Variants in ANKAR observed in about 807,000 individuals in gnomAD.
The protein encoded by ANKAR is ankyrin and armadillo repeat-containing protein.
In ANKAR, 136 loss-of-function variants were observed where a neutral mutation model predicts 146.2. The observed-to-expected ratio is 0.93, with a 90% CI of 0.81 to 1.07. The LOEUF (loss-of-function observed/expected upper bound fraction) is 1.07, where lower values mean the gene tolerates loss of function less well. ANKAR is among the 50% of genes least tolerant of loss of function. The probability of loss-of-function intolerance (pLI) is 0.00; values close to 1 mark genes in which losing one functional copy is unlikely to be tolerated. For missense variants in ANKAR, 1,567 were observed against 1,679.9 expected (o/e 0.93, Z 1.18); for synonymous variants, 500 against 575.8 (o/e 0.87, Z 1.88).
intron 7 of ANKAR, among the ~76,000 whole-genome samples, chr2:189,698,625 G>A (rs896157119): frequency 6.6e-6 from 1 of 152,148 alleles, no homozygotes; most frequent in Non-Finnish European, 1.5e-5. Flanking sequence ...AAGAAATTAC[G>A]TACAACGAAC....
chr2:189,721,853 A>G (rs2245742), intron 12 of ANKAR, among the ~76,000 whole-genome samples: 149,425 of 152,266 alleles, frequency 0.98, 73,379 homozygotes, highest in South Asian at 1. Flanking sequence ...AATGTAAGTC[A>G]AGATTAAGAA....
rs56118672 is a variant in ANKAR, at chr2:189,704,147, A to ATT, written c.1709-865_1709-864dup. On this transcript the variant is annotated intron_variant, in intron 7 of 22. Coordinates refer to ENST00000684021, the MANE Select transcript of ANKAR (RefSeq NM_001378068.1). ...TACCCAGTAACTCTCATTATTGGGA[A>ATT]TTTTTTTTTTTTGAGATGGAGTCTC... Among the ~76,000 whole-genome samples the ATT allele has an allele frequency of 4.7e-3, 698 of 147,456 alleles. 4 individuals are homozygous for ATT. Among genetic ancestry groups the ATT allele is most frequent in the African/African-American group, 6.7e-3 (269 of 40,312 alleles).
intron 18 of ANKAR, among the ~76,000 whole-genome samples, chr2:189,760,017 T>A (rs2046757251): frequency 6.6e-6 from 1 of 152,214 alleles, no homozygotes; most frequent in Admixed American, 6.5e-5. Flanking sequence ...TGCACCGCCC[T>A]TAATCCATTT....
At chr2:189,720,076 A>G (rs1387357373) in intron 11 of ANKAR, among the ~76,000 whole-genome samples, 1 of 152,214 alleles carries the variant, frequency 6.6e-6, no homozygotes, top group Non-Finnish European at 1.5e-5. Context: ...TGCAGTGTCT[A>G]CAATGGCAAA....
In ANKAR at chr2:189,743,278, C is replaced by T. The variant is rs145081425; in HGVS notation, c.3814C>T (p.Arg1272Cys). The T allele has an allele frequency of 5.8e-5, 93 of 1,612,518 alleles. 2 individuals carry two copies. The South Asian group carries it at 8.8e-4, about 15-fold the overall frequency. The part of the protein sequence containing the change: ...YHLYSGIEEV[R>C]AACSSALGYL... Reference sequence around the variant, plus strand: ...AAAGAATTGTTTCTTCATTTAGGTTCGTGCAGCTTGTTCCTCTGCTCTTGG... The same window carrying T: ...AAAGAATTGTTTCTTCATTTAGGTTTGTGCAGCTTGTTCCTCTGCTCTTGG... The change falls in exon 21 of 23, where the codon CGT becomes TGT. Residue 1272 changes from arginine to cysteine, a missense_variant. Transcript: ENST00000684021.
rs2105780679 is a variant in ANKAR, at chr2:189,719,597, A to G, written c.2250A>G (p.Leu750=). ...GCACCATTCCTGCCTTAATCAATCT[A>G]TTAAAAAGTTCCAAAATAAAACTGC... ...DAGTIPALIN[L]LKSSKIKLQC... Residue 750 remains leucine (L), a synonymous_variant, in exon 11 of 23, where the codon CTA becomes CTG. Coordinates refer to ENST00000684021, the MANE Select transcript of ANKAR (RefSeq NM_001378068.1). 1 of 1,612,682 alleles carries G rather than the reference A, an allele frequency of 6.2e-7. No homozygotes were observed. Among genetic ancestry groups the G allele is most frequent in the Non-Finnish European group, 8.5e-7 (1 of 1,178,992 alleles).
intron 10 of ANKAR, among the ~76,000 whole-genome samples, chr2:189,713,225 C>G (rs569159485): frequency 6.6e-6 from 1 of 152,254 alleles, no homozygotes; most frequent in East Asian, 1.9e-4. Flanking sequence ...ACTTCCCCAA[C>G]CTAGCAAGGA....
intron 2 of ANKAR, among the ~76,000 whole-genome samples, chr2:189,686,892 G>A (rs1574379134): frequency 6.6e-6 from 1 of 151,760 alleles, no homozygotes; most frequent in African/African-American, 2.4e-5. Context: ...ATTTTCACAC[G>A]GCATACAATG....
At position 189,730,515 on chromosome 2, in the gene ANKAR, C is replaced by G. The variant is rs2042311060; in HGVS notation, c.3214C>G (p.Pro1072Ala). Residue 1072 changes from proline to alanine, a missense_variant, in exon 16 of 23, where the codon CCT becomes GCT. Transcript: ENST00000684021. ...TACAGGTGTAGCCCATACAAGCAAT[C>G]CTGTCAGTCAACAATTGGTTGTAGA... ...ICIGVAHTSN[P>A]VSQQLVVDEN... The G allele has an allele frequency of 6.2e-7, 1 of 1,602,194 alleles. No homozygotes were observed. Among genetic ancestry groups the G allele is most frequent in the African/African-American group, 1.3e-5 (1 of 74,344 alleles).
At chr2:189,713,552 C>G (rs1373133561) in intron 10 of ANKAR, among the ~76,000 whole-genome samples, 1 of 152,126 alleles carries the variant, frequency 6.6e-6, no homozygotes, top group Non-Finnish European at 1.5e-5. Flanking sequence ...CCTTTACAGA[C>G]AAGCAAATCC....
intron 11 of ANKAR, 82 bp downstream of exon 11, chr2:189,719,895 C>A: frequency 7.3e-7 from 1 of 1,360,742 alleles, no homozygotes; most frequent in Non-Finnish European, 9.8e-7. Flanking sequence ...ACCCACGTTA[C>A]TATTCAGTGA....
At chr2:189,688,992 G>T (rs1241141872) in intron 2 of ANKAR, among the ~76,000 whole-genome samples, 1 of 152,140 alleles carries the variant, frequency 6.6e-6, no homozygotes, top group Non-Finnish European at 1.5e-5. Flanking sequence ...GTTGGTGAAC[G>T]GGCCGTAATT....
At chr2:189,752,707 A>T (rs952642821) in intron 18 of ANKAR, 5 of 1,613,928 alleles carry the variant, frequency 3.1e-6, no homozygotes, top group Non-Finnish European at 4.2e-6. Context: ...GCCAGCACGT[A>T]GTCTTTCAAT....
At chr2:189,736,475 C>T (rs1274984507) in intron 17 of ANKAR, among the ~76,000 whole-genome samples, 8 of 109,694 alleles carry the variant, frequency 7.3e-5, no homozygotes, top group South Asian at 3.2e-4. Context: ...TAATACCTTT[C>T]TTTTTGCCTA....
At chr2:189,724,342 C>T (rs2041634984) in intron 12 of ANKAR, among the ~76,000 whole-genome samples, 1 of 152,164 alleles carries the variant, frequency 6.6e-6, no homozygotes, top group African/African-American at 2.4e-5. Flanking sequence ...CTCTCTATCA[C>T]CTAGGATATG....
intron 6 of ANKAR, 49 bp downstream of exon 6, chr2:189,695,210 T>G (rs1424074685): frequency 7.0e-7 from 1 of 1,426,500 alleles, no homozygotes; most frequent in Admixed American, 2.1e-5. Flanking sequence ...TATGTATTAT[T>G]GATAAGTATG....
At chr2:189,688,867 C>G (rs552279371) in intron 2 of ANKAR, among the ~76,000 whole-genome samples, 30 of 152,266 alleles carry the variant, frequency 2.0e-4, no homozygotes, top group Admixed American at 5.2e-4. Context: ...GTAAACAGGC[C>G]AGAACCACAT....
intron 19 of ANKAR, among the ~76,000 whole-genome samples, chr2:189,739,100 C>T (rs138849858): frequency 1.8e-3 from 272 of 152,334 alleles, no homozygotes; most frequent in Non-Finnish European, 2.7e-3. Flanking sequence ...AAGTTCTTTA[C>T]ATCGCTGTGC....
chr2:189,712,316 G>C lies in ANKAR; in HGVS notation c.2224+1163G>C, dbSNP rs192115749. On this transcript the variant is annotated intron_variant, in intron 10 of 22. Coordinates refer to ENST00000684021, the MANE Select transcript of ANKAR (RefSeq NM_001378068.1). ...CCTCAAGTGGGTCCCTCACCCCCTTGTAGCCTAACTGGGAGACACCTCCCA... is the reference window on the plus strand; with the variant it reads ...CCTCAAGTGGGTCCCTCACCCCCTTCTAGCCTAACTGGGAGACACCTCCCA... Among the ~76,000 whole-genome samples, 1,421 of 152,328 alleles carry C rather than the reference G, an allele frequency of 9.3e-3. 23 individuals are homozygous for C. Among genetic ancestry groups the C allele is most frequent in the African/African-American group, 0.033 (1,358 of 41,572 alleles).
Sources: gnomAD v4.1 joint callset for allele counts (sites outside exome capture counted in the v4.1 genomes callset) on GRCh38, gnomAD v4.1.1 for gene constraint, MANE v1.5 for transcripts, NCBI Gene and HGNC (gene_info 2026-07-23, HGNC 2026-07-21) for gene names.